Variants in PACS1 observed in about 807,000 individuals in gnomAD.
PACS1 encodes phosphofurin acidic cluster sorting protein 1.
PACS1 carries 24 observed loss-of-function variants against 115.0 expected under a neutral mutation model. The ratio of observed to expected loss-of-function variants is 0.21; its 90% CI spans 0.15 to 0.29. The LOEUF (loss-of-function observed/expected upper bound fraction) is 0.29, where lower values mean the gene tolerates loss of function less well. Among genes scored for constraint, PACS1 ranks in the 10% least tolerant of loss-of-function variants. The pLI, the probability that PACS1 is intolerant of heterozygous loss-of-function variation, is 1.00. For missense variants in PACS1, 838 were observed against 1,251.2 expected, an observed-to-expected ratio of 0.67 and a Z score of 4.98; for synonymous variants, 453 against 504.5, an observed-to-expected ratio of 0.90 and a Z score of 1.37.
chr11:66,123,532 A>G (rs895161234), intron 1 of PACS1, among the ~76,000 whole-genome samples: 1 of 146,242 alleles, frequency 6.8e-6, no homozygotes, highest in African/African-American at 2.5e-5. Context: ...TTATTTATTT[A>G]TTTTTTTGGG....
Position 66,216,688 on chromosome 11 carries a change from C to A in PACS1, c.898-7C>A, listed in dbSNP as rs1397571120. ...CCCACCCTCATTCTGTCCCTGTACC[C>A]ACTTAGGACTTGTTCTACGAAGACG... is the stretch of plus-strand genomic sequence containing the variant. On this transcript the variant is annotated splice_polypyrimidine_tract_variant and splice_region_variant and intron_variant, in intron 6 of 23. Coordinates refer to ENST00000320580, the MANE Select transcript of PACS1 (RefSeq NM_018026.4). 1 of 1,613,290 alleles carries A rather than the reference C, an allele frequency of 6.2e-7. No individual in the cohort carries two copies. The highest frequency in any genetic ancestry group is 1.7e-5 in the Admixed American group (1 of 59,998).
rs117320380 is a variant in PACS1, at chr11:66,117,294, C to T, written c.356+46452C>T. Reference sequence around the variant, plus strand: ...TAGCCAACATGGTGAAATCGTGTCTCTCCTAAAAATACAAACATTAGCTGG... The same window carrying T: ...TAGCCAACATGGTGAAATCGTGTCTTTCCTAAAAATACAAACATTAGCTGG... On this transcript the variant is annotated intron_variant, in intron 1 of 23. Transcript: ENST00000320580. Among the ~76,000 whole-genome samples the T allele has an allele frequency of 6.7e-3, 1,020 of 151,942 alleles. 6 individuals carry two copies. The highest frequency in any genetic ancestry group is 0.027 in the Middle Eastern group (8 of 294).
intron 2 of PACS1, 68 bp from the exon 3 acceptor site, chr11:66,210,294 C>T: frequency 1.6e-6 from 2 of 1,272,184 alleles, no homozygotes; most frequent in Non-Finnish European, 2.3e-6. Context: ...CCTCAGCCTC[C>T]CAAACTGCTG....
chr11:66,106,239 G>A (rs1271699297), intron 1 of PACS1, among the ~76,000 whole-genome samples: 1 of 151,994 alleles, frequency 6.6e-6, no homozygotes, highest in Non-Finnish European at 1.5e-5. Context: ...AGACCAACCT[G>A]GGCGACAGAG....
chr11:66,239,337 C>G (rs1855766246), intron 21 of PACS1, 60 bp downstream of exon 21: 2 of 1,560,328 alleles, frequency 1.3e-6, no homozygotes, highest in South Asian at 2.3e-5. Context: ...CCGGCTGATT[C>G]CAGTGACAGG....
At chr11:66,076,124 G>T (rs542613847) in intron 1 of PACS1, among the ~76,000 whole-genome samples, 1 of 152,238 alleles carries the variant, frequency 6.6e-6, no homozygotes, top group South Asian at 2.1e-4. Context: ...TCTCTATCAG[G>T]GTAATAGTAT....
chr11:66,218,482 A>T (rs74744490), intron 7 of PACS1: 3 of 152,336 alleles, frequency 2.0e-5, no homozygotes, highest in South Asian at 2.1e-4. Flanking sequence ...AGCTTCCCAG[A>T]TGAGATGCTG....
chr11:66,177,049 C>G (rs1158049299), intron 1 of PACS1, among the ~76,000 whole-genome samples: 1 of 152,140 alleles, frequency 6.6e-6, no homozygotes, highest in East Asian at 1.9e-4. Flanking sequence ...TTGTCTTTTT[C>G]AACAGTGGCT....
At chr11:66,158,805 A>G (rs145174267) in intron 1 of PACS1, among the ~76,000 whole-genome samples, 170 of 152,358 alleles carry the variant, frequency 1.1e-3, no homozygotes, top group African/African-American at 3.8e-3. Context: ...GATGAAGGAC[A>G]AGGCATTATT....
At chr11:66,237,295 C>G (rs1432957379) in intron 19 of PACS1, among the ~76,000 whole-genome samples, 7 of 152,162 alleles carry the variant, frequency 4.6e-5, no homozygotes, top group African/African-American at 1.7e-4. Flanking sequence ...CTCTTGGACT[C>G]AGGAGATCCA....
intron 1 of PACS1, among the ~76,000 whole-genome samples, chr11:66,180,921 A>C (rs1190046559): frequency 1.3e-5 from 2 of 152,192 alleles, no homozygotes; most frequent in African/African-American, 4.8e-5. Flanking sequence ...GGCCTCCCAA[A>C]GTGCTGGGAT....
intron 1 of PACS1, among the ~76,000 whole-genome samples, chr11:66,073,972 G>A (rs1009508220): frequency 6.9e-6 from 1 of 145,826 alleles, no homozygotes; most frequent in Non-Finnish European, 1.5e-5. Flanking sequence ...TGTTGCCCAG[G>A]CTGGTCTTGA....
At chr11:66,104,104 T>G (rs1249123177) in intron 1 of PACS1, among the ~76,000 whole-genome samples, 1 of 152,220 alleles carries the variant, frequency 6.6e-6, no homozygotes, top group African/African-American at 2.4e-5. Context: ...TTATCTGATT[T>G]GCAGTCACTT....
At chr11:66,088,637 G>A (rs1439629046) in intron 1 of PACS1, among the ~76,000 whole-genome samples, 3 of 152,184 alleles carry the variant, frequency 2.0e-5, no homozygotes, top group Non-Finnish European at 2.9e-5. Flanking sequence ...ATGCCGCCCT[G>A]TCTCCGTGAC....
intron 11 of PACS1, among the ~76,000 whole-genome samples, chr11:66,229,046 G>A (rs1416251251): frequency 1.3e-5 from 2 of 151,606 alleles, no homozygotes; most frequent in Non-Finnish European, 2.9e-5. Flanking sequence ...AGGTGGCCCA[G>A]GCTGGGTCAT....
chr11:66,222,350 A>AT (rs1855369693), intron 10 of PACS1, among the ~76,000 whole-genome samples: 1 of 152,092 alleles, frequency 6.6e-6, no homozygotes, highest in Admixed American at 6.5e-5. Flanking sequence ...AGAGGTTTCC[A>AT]TTTTTTCTGG....
chr11:66,080,021 G>T (rs1376641427), intron 1 of PACS1, among the ~76,000 whole-genome samples: 1 of 152,152 alleles, frequency 6.6e-6, no homozygotes, highest in Non-Finnish European at 1.5e-5. Flanking sequence ...GTCCTCACCT[G>T]CCCAACCCCT....
At chr11:66,192,555 G>A (rs968226025) in intron 1 of PACS1, among the ~76,000 whole-genome samples, 1 of 152,210 alleles carries the variant, frequency 6.6e-6, no homozygotes, top group Non-Finnish European at 1.5e-5. Context: ...GCCTGAGCAG[G>A]GCCTAGAGGG....
rs1232497116 is a variant in PACS1, at chr11:66,236,602, G to A, written c.2250+662G>A. On this transcript the variant is annotated intron_variant, in intron 19 of 23. Coordinates refer to ENST00000320580, the MANE Select transcript of PACS1 (RefSeq NM_018026.4). The surrounding 1 kb of genome is among the most constrained non-coding windows in gnomAD (Gnocchi z 4.2). ...TGCATTGCCGGCTGTCTGTTCATCAGCAGCTGGGCCACAGGCTCAGCCTGA... is the reference window on the plus strand; with the variant it reads ...TGCATTGCCGGCTGTCTGTTCATCAACAGCTGGGCCACAGGCTCAGCCTGA... 1.3e-5 allele frequency among the ~76,000 whole-genome samples: 2 copies of A among 152,158 alleles called. No homozygotes were observed. The highest frequency in any genetic ancestry group is 4.8e-5 in the African/African-American group (2 of 41,448).
Sources: allele counts gnomAD v4.1 joint callset (sites outside exome capture counted in the v4.1 genomes callset), GRCh38; gene constraint gnomAD v4.1.1; non-coding constraint Gnocchi (gnomAD v3.1); transcripts MANE v1.5; gene names NCBI Gene and HGNC (gene_info 2026-07-23, HGNC 2026-07-21).